GRM5: variants seen among roughly 807,000 people sequenced by gnomAD.
The protein encoded by GRM5 is metabotropic glutamate receptor 5.
A neutral mutation model predicts 83.1 loss-of-function variants in GRM5; 19 were observed. The observed-to-expected ratio is 0.23, with a 90% CI of 0.16 to 0.34. The LOEUF (loss-of-function observed/expected upper bound fraction) is 0.34. Ranked by LOEUF, GRM5 falls within the 10% of genes least tolerant of loss-of-function variation. The pLI is 1.00. For missense variants in GRM5, 1,160 were observed against 1,588.3 expected (o/e 0.73, Z 4.58); for synonymous variants, 675 against 633.6 (o/e 1.07, Z -0.98).
chr11:89,008,976 C>T (rs1320423470), intron 2 of GRM5: 1 of 615,098 alleles, frequency 1.6e-6, no homozygotes, highest in East Asian at 2.8e-5. Context: ...CAAGTGATAA[C>T]TTTTTACTTA....
intron 2 of GRM5, among the ~76,000 whole-genome samples, chr11:88,934,580 T>C (rs1937829554): frequency 6.6e-6 from 1 of 151,866 alleles, no homozygotes; most frequent in Non-Finnish European, 1.5e-5. Flanking sequence ...GTATATCCAG[T>C]ACTACATTCA....
chr11:88,667,923 A>G lies in GRM5; in HGVS notation c.912-14520T>C, dbSNP rs182179134. On this transcript the variant is annotated intron_variant, in intron 3 of 9. Coordinates refer to ENST00000305447, the MANE Select transcript of GRM5 (RefSeq NM_001143831.3). ...AAAAAAAAAAGAAAAAAAATGTTAA[A>G]GTCAAAATTGATTCTTTGAAAAGAC... Among the ~76,000 whole-genome samples the G allele has an allele frequency of 2.0e-3, 306 of 152,096 alleles. 1 individual carries two copies. The highest frequency in any genetic ancestry group is 3.6e-3 in the Non-Finnish European group (247 of 67,964).
At chr11:88,608,816 G>A (rs930736217) in intron 4 of GRM5, among the ~76,000 whole-genome samples, 4 of 151,958 alleles carry the variant, frequency 2.6e-5, no homozygotes, top group African/African-American at 9.7e-5. Flanking sequence ...CCACCGTGCC[G>A]AGCCCGGATA....
chr11:88,566,942 C>A, intron 8 of GRM5, 111 bp downstream of exon 8: 1 of 685,556 alleles, frequency 1.5e-6, no homozygotes, highest in East Asian at 2.7e-5. Context: ...AGTCACCCTG[C>A]CTCACATGGT....
At chr11:88,859,047 G>A (rs1944519797) in intron 2 of GRM5, among the ~76,000 whole-genome samples, 1 of 151,912 alleles carries the variant, frequency 6.6e-6, no homozygotes, top group African/African-American at 2.4e-5. Context: ...ATATTCTTAT[G>A]GAAATCAGGA....
At position 88,755,728 on chromosome 11, in the gene GRM5, C is replaced by T. The variant is rs181969067; in HGVS notation, c.911+94178G>A. ...AGTAGTTCTGATATTTACCAGGACC[C>T]ATTTGCCTCCAAACAGAGAATTAAA... On this transcript the variant is annotated intron_variant, in intron 3 of 9. Transcript: ENST00000305447. Among the ~76,000 whole-genome samples the T allele has an allele frequency of 2.0e-5, 3 of 152,200 alleles. No individual in the cohort carries two copies. The East Asian group carries it at 5.8e-4, about 29-fold the overall frequency.
At chr11:88,876,744 G>A (rs2135567855) in intron 2 of GRM5, among the ~76,000 whole-genome samples, 1 of 152,138 alleles carries the variant, frequency 6.6e-6, no homozygotes, top group African/African-American at 2.4e-5. Flanking sequence ...GACACAAAAG[G>A]GAGAGTGGCC....
chr11:88,862,675 G>T (rs895846559), intron 2 of GRM5, among the ~76,000 whole-genome samples: 3 of 151,930 alleles, frequency 2.0e-5, no homozygotes, highest in Non-Finnish European at 4.4e-5. Flanking sequence ...TAAGTTCTGG[G>T]ACACATGTGC....
intron 1 of GRM5, among the ~76,000 whole-genome samples, chr11:89,048,883 A>G (rs1295943690): frequency 2.0e-5 from 3 of 152,200 alleles, no homozygotes; most frequent in African/African-American, 7.2e-5. Flanking sequence ...ACCTCTTGGT[A>G]CCAGAATTTG....
At chr11:88,568,047 C>T in intron 7 of GRM5, 55 bp from the exon 8 acceptor site, 2 of 1,157,040 alleles carry the variant, frequency 1.7e-6, no homozygotes, top group African/African-American at 3.1e-5. Flanking sequence ...ACTTGGGTCA[C>T]ATATCCCTAA....
rs10525785 is a variant in GRM5 at position 88,854,058 on chromosome 11, GTA to G, written c.662-3905_662-3904del. 1.2e-4 allele frequency among the ~76,000 whole-genome samples: 15 copies of G among 121,158 alleles called. 1 individual carries two copies. Among genetic ancestry groups the G allele is most frequent in the African/African-American group, 3.1e-4 (10 of 32,346 alleles). 79.5% of individuals were successfully genotyped at this position (121,158 alleles called of 152,430 possible). A position where few individuals can be genotyped will look rare whatever the true frequency, so the allele number is the denominator to read the frequency against. ...AGATAAATGAATTAAAAAATGTGGT[GTA>G]TATATATATATATATATACACAATG... On this transcript the variant is annotated intron_variant, in intron 2 of 9. Coordinates refer to ENST00000305447, the MANE Select transcript of GRM5 (RefSeq NM_001143831.3).
intron 3 of GRM5, among the ~76,000 whole-genome samples, chr11:88,668,295 TCGCACACA>T (rs1481923218): frequency 7.3e-5 from 6 of 81,664 alleles, no homozygotes; most frequent in African/African-American, 1.8e-4. Context: ...CCCCAGAAAC[TCGCACACA>T]CACACACACA....
chr11:88,652,590 A>G (rs1939660436), intron 4 of GRM5, among the ~76,000 whole-genome samples: 1 of 152,078 alleles, frequency 6.6e-6, no homozygotes, highest in South Asian at 2.1e-4. Flanking sequence ...CTAAAGCAAA[A>G]TTTGGTACAT....
rs1469251776 is a variant in GRM5 at position 88,680,597 on chromosome 11, AAAT to A, written c.912-27197_912-27195del. The stretch of plus-strand genomic sequence containing the variant: ...CGATCCCTCAGGGATCTAGAACTAG[AAAT>A]ACCATTTGACCCAGCCATCCCATTA... On this transcript the variant is annotated intron_variant, in intron 3 of 9. Transcript: ENST00000305447. 2.6e-5 allele frequency among the ~76,000 whole-genome samples: 4 copies of A among 152,330 alleles called. No homozygotes were observed. In the East Asian group the frequency reaches 7.7e-4, roughly 29 times the overall value.
intron 2 of GRM5, among the ~76,000 whole-genome samples, chr11:88,958,006 C>T (rs1477368717): frequency 6.6e-6 from 1 of 151,800 alleles, no homozygotes; most frequent in Non-Finnish European, 1.5e-5. Flanking sequence ...ATTTTTTATA[C>T]TACCAAAGAT....
chr11:88,968,176 G>A, intron 2 of GRM5, among the ~76,000 whole-genome samples: 1 of 152,092 alleles, frequency 6.6e-6, no homozygotes, highest in South Asian at 2.1e-4. Flanking sequence ...CAATACAGTA[G>A]TCAATCTGTA....
chr11:88,640,679 A>G (rs1939264934), intron 4 of GRM5, among the ~76,000 whole-genome samples: 1 of 152,162 alleles, frequency 6.6e-6, no homozygotes. Context: ...GGTTCAGTTG[A>G]TTTGTTACAG....
intron 3 of GRM5, among the ~76,000 whole-genome samples, chr11:88,687,535 T>TAC (rs74191805): frequency 0.37 from 16,104 of 43,678 alleles, 4,386 homozygotes; most frequent in South Asian, 0.61. Context: ...CATACATATA[T>TAC]ATACACACAC....
intron 2 of GRM5, among the ~76,000 whole-genome samples, chr11:88,965,901 C>G (rs145463518): frequency 0.017 from 2,538 of 152,174 alleles, 67 homozygotes; most frequent in African/African-American, 0.059. Context: ...ACTACTTGAT[C>G]TAAGTGACAT....
Sources: gnomAD v4.1 joint callset for allele counts (sites outside exome capture counted in the v4.1 genomes callset) on GRCh38, gnomAD v4.1.1 for gene constraint, MANE v1.5 for transcripts, NCBI Gene and HGNC (gene_info 2026-07-23, HGNC 2026-07-21) for gene names.